NALCN: variants seen among roughly 807,000 people sequenced by gnomAD.
The protein encoded by NALCN is sodium leak channel NALCN.
In NALCN, 111 loss-of-function variants were observed where a neutral mutation model predicts 225.3. That is an observed-to-expected ratio of 0.49 (90% CI 0.42 to 0.58). The LOEUF is 0.58. Ranked by LOEUF, NALCN falls within the 20% of genes least tolerant of loss-of-function variation. The pLI is 0.00. For missense variants in NALCN, 1,378 were observed against 2,202.4 expected, an observed-to-expected ratio of 0.63 and a Z score of 7.49; for synonymous variants, 764 against 769.0, an observed-to-expected ratio of 0.99 and a Z score of 0.11.
At chr13:101,287,514 G>A (rs1029206803) in intron 9 of NALCN, among the ~76,000 whole-genome samples, 5 of 152,142 alleles carry the variant, frequency 3.3e-5, no homozygotes, top group African/African-American at 1.2e-4. Context: ...TACATGCAAA[G>A]TGGAGACATT....
chr13:101,196,001 T>G (rs1594411836), intron 13 of NALCN, among the ~76,000 whole-genome samples: 2 of 152,198 alleles, frequency 1.3e-5, no homozygotes, highest in African/African-American at 4.8e-5. Context: ...ATGTTTCCTA[T>G]GAAAACATTG....
In NALCN at chr13:101,358,572, T is replaced by C. The variant is rs569746271; in HGVS notation, c.645-13152A>G. Among the ~76,000 whole-genome samples the C allele has an allele frequency of 4.2e-4, 64 of 152,230 alleles. 1 individual carries two copies. In the South Asian group the frequency reaches 0.013, roughly 30 times the overall value. ...AAATGCTGGCGAGGATGTGGAGAAATAGGAACGCTTTTACACTGTTGGTAG... is the reference window on the plus strand; with the variant it reads ...AAATGCTGGCGAGGATGTGGAGAAACAGGAACGCTTTTACACTGTTGGTAG... On this transcript the variant is annotated intron_variant, in intron 6 of 43. Transcript: ENST00000251127.
At chr13:101,285,638 A>G (rs1370078525) in intron 9 of NALCN, among the ~76,000 whole-genome samples, 1 of 152,186 alleles carries the variant, frequency 6.6e-6, no homozygotes, top group African/African-American at 2.4e-5. Context: ...GCCAACTGCA[A>G]ATTGCTCATC....
At chr13:101,299,667 T>C (rs1370466825) in intron 7 of NALCN, among the ~76,000 whole-genome samples, 1 of 152,202 alleles carries the variant, frequency 6.6e-6, no homozygotes, top group Non-Finnish European at 1.5e-5. Context: ...AAGAACAAAG[T>C]GGCCACCTCT....
At chr13:101,183,343 GTCA>G (rs1382237253) in intron 14 of NALCN, among the ~76,000 whole-genome samples, 1 of 152,306 alleles carries the variant, frequency 6.6e-6, no homozygotes, top group Non-Finnish European at 1.5e-5. Context: ...TCACAGGAGT[GTCA>G]TCATATGTAT....
chr13:101,067,711 A>G (rs916493097), intron 39 of NALCN, among the ~76,000 whole-genome samples: 1 of 152,136 alleles, frequency 6.6e-6, no homozygotes, highest in Non-Finnish European at 1.5e-5. Context: ...GAAGAAGAGG[A>G]TGTTCATGGT....
chr13:101,281,578 A>T (rs939739902), intron 10 of NALCN, among the ~76,000 whole-genome samples: 1 of 152,212 alleles, frequency 6.6e-6, no homozygotes, highest in African/African-American at 2.4e-5. Flanking sequence ...GGATGGAAGG[A>T]GGACCACAAA....
At chr13:101,144,592 G>GTTTA (rs959956140) in intron 16 of NALCN, among the ~76,000 whole-genome samples, 168 bp downstream of exon 16, 5 of 152,160 alleles carry the variant, frequency 3.3e-5, no homozygotes, top group African/African-American at 7.2e-5. Context: ...AGTCAAAGTT[G>GTTTA]TTTATTTATT....
chr13:101,338,647 T>C (rs1181473059), intron 7 of NALCN, among the ~76,000 whole-genome samples: 1 of 152,212 alleles, frequency 6.6e-6, no homozygotes, highest in Non-Finnish European at 1.5e-5. Context: ...ATTTCGCATA[T>C]ATGGTATATT....
intron 39 of NALCN, 56 bp downstream of exon 39, chr13:101,067,862 G>A (rs531015641): frequency 1.7e-6 from 2 of 1,189,068 alleles, no homozygotes; most frequent in Non-Finnish European, 2.5e-6. Context: ...AAGTGTTTGA[G>A]ACATGTTGAT....
At chr13:101,098,789 G>T (rs527884138) in intron 27 of NALCN, among the ~76,000 whole-genome samples, 1 of 151,196 alleles carries the variant, frequency 6.6e-6, no homozygotes, top group African/African-American at 2.4e-5. Flanking sequence ...CCTCGGCCTC[G>T]GCCTCTTATG....
rs377222586 is a variant in NALCN, at chr13:101,270,447, A to G, written c.1135-11873T>C. On this transcript the variant is annotated intron_variant, in intron 10 of 43. Coordinates refer to ENST00000251127, the MANE Select transcript of NALCN (RefSeq NM_052867.4). The stretch of plus-strand genomic sequence containing the variant: ...ACACAAAACTTTTGTTTTAAACTCA[A>G]GAGACAAATTATGAATTCAAAATTG... 3.6e-4 allele frequency among the ~76,000 whole-genome samples: 55 copies of G among 152,316 alleles called. 1 individual carries two copies. In the South Asian group the frequency reaches 0.011, roughly 31 times the overall value.
chr13:101,074,808 A>G, intron 35 of NALCN, 146 bp from the exon 36 acceptor site: 1 of 952,210 alleles, frequency 1.1e-6, no homozygotes, highest in Non-Finnish European at 1.5e-6. Flanking sequence ...ATTGGCTCAA[A>G]ATCACTCTTA....
intron 13 of NALCN, among the ~76,000 whole-genome samples, chr13:101,210,326 A>G (rs2040477268): frequency 6.6e-6 from 1 of 152,208 alleles, no homozygotes; most frequent in Admixed American, 6.5e-5. Flanking sequence ...CCTCTGCAGA[A>G]GTAGGCATTT....
chr13:101,059,678 T>A, intron 42 of NALCN, 140 bp downstream of exon 42: 1 of 787,370 alleles, frequency 1.3e-6, no homozygotes, highest in Non-Finnish European at 1.9e-6. Context: ...CGTTGCCTTT[T>A]TTTTTTTTAA....
At chr13:101,338,858 T>G (rs1201391529) in intron 7 of NALCN, among the ~76,000 whole-genome samples, 1 of 152,270 alleles carries the variant, frequency 6.6e-6, no homozygotes, top group African/African-American at 2.4e-5. Flanking sequence ...GCAAGTATGG[T>G]GGACATCTGC....
chr13:101,265,267 G>A (rs141648524), intron 10 of NALCN, among the ~76,000 whole-genome samples: 10 of 152,228 alleles, frequency 6.6e-5, no homozygotes, highest in Admixed American at 2.6e-4. Flanking sequence ...GCTACAAAAT[G>A]GTACCTGACC....
intron 6 of NALCN, among the ~76,000 whole-genome samples, chr13:101,366,098 G>T (rs2046370195): frequency 6.6e-6 from 1 of 151,994 alleles, no homozygotes; most frequent in Non-Finnish European, 1.5e-5. Flanking sequence ...ATCACAGTTG[G>T]TATTTCACAA....
At chr13:101,165,768 G>A (rs2038408985) in intron 15 of NALCN, among the ~76,000 whole-genome samples, 1 of 152,196 alleles carries the variant, frequency 6.6e-6, no homozygotes, top group African/African-American at 2.4e-5. Flanking sequence ...GAGCCACCAC[G>A]CCTAGCCCCA....
Sources: gnomAD v4.1 joint callset for allele counts (sites outside exome capture counted in the v4.1 genomes callset) on GRCh38, gnomAD v4.1.1 for gene constraint, MANE v1.5 for transcripts, NCBI Gene and HGNC (gene_info 2026-07-23, HGNC 2026-07-21) for gene names.